The following STAG1 variants were observed in gnomAD, a reference collection of about 807,000 sequenced individuals.
STAG1 encodes STAG1 cohesin complex component, also known as cohesin subunit SA-1.
Under a neutral mutation model 170.9 loss-of-function variants are expected in STAG1, and 26 were observed. The observed-to-expected ratio is 0.15, with a 90% CI of 0.11 to 0.21. The LOEUF is 0.21. Among genes scored for constraint, STAG1 ranks in the 10% least tolerant of loss-of-function variants. The pLI is 1.00. For synonymous variants in STAG1, 514 were observed against 497.7 expected, an observed-to-expected ratio of 1.03 and a Z score of -0.44; for missense variants, 964 against 1,509.5, an observed-to-expected ratio of 0.64 and a Z score of 5.99.
At chr3:136,525,559 T>G (rs982669061) in intron 6 of STAG1, among the ~76,000 whole-genome samples, 1 of 152,202 alleles carries the variant, frequency 6.6e-6, no homozygotes, top group Non-Finnish European at 1.5e-5. Context: ...CCTAGATTCA[T>G]TAATTTTTTG....
chr3:136,606,972 G>A (rs1256891477), intron 3 of STAG1, among the ~76,000 whole-genome samples: 1 of 151,910 alleles, frequency 6.6e-6, no homozygotes, highest in Admixed American at 6.6e-5. Flanking sequence ...GGATGGTCTT[G>A]ATCTCCTGAC....
chr3:136,551,198 T>TGAGAGAGAGA (rs200132855), intron 5 of STAG1, among the ~76,000 whole-genome samples: 1 of 43,156 alleles, frequency 2.3e-5, no homozygotes, highest in African/African-American at 1.2e-4. Context: ...AGAGAGAGGT[T>TGAGAGAGAGA]GAGAGAGAGT....
At chr3:136,467,870 C>A (rs988760387) in intron 12 of STAG1, among the ~76,000 whole-genome samples, 1 of 152,182 alleles carries the variant, frequency 6.6e-6, no homozygotes, top group African/African-American at 2.4e-5. Flanking sequence ...CAAAACTGCT[C>A]AACTACACGG....
intron 10 of STAG1, among the ~76,000 whole-genome samples, chr3:136,476,085 T>G (rs1224756211): frequency 1.3e-5 from 2 of 152,222 alleles, no homozygotes; most frequent in East Asian, 1.9e-4. Flanking sequence ...TCCTCTGAAT[T>G]TGTAGGCCTG....
chr3:136,544,473 T>C (rs903905938), intron 5 of STAG1, among the ~76,000 whole-genome samples: 1 of 152,228 alleles, frequency 6.6e-6, no homozygotes, highest in Admixed American at 6.5e-5. Flanking sequence ...ATATTAATAA[T>C]AGCTTTTGGC....
rs541484433 is a variant in STAG1 at position 136,528,491 on chromosome 3, C to T, written c.472-7074G>A. On this transcript the variant is annotated intron_variant, in intron 6 of 33. Transcript: ENST00000383202. ...ATAATTCCCCAGCAACAGATGTCCCCGCACCCCCCCCCCCAAAAAATCACT... is the reference window on the plus strand; with the variant it reads ...ATAATTCCCCAGCAACAGATGTCCCTGCACCCCCCCCCCCAAAAAATCACT... 6.6e-4 allele frequency among the ~76,000 whole-genome samples: 19 copies of T among 28,986 alleles called. No homozygotes were observed. In the East Asian group the frequency reaches 0.011, roughly 17 times the overall value. 19.0% of individuals were successfully genotyped at this position (28,986 alleles called of 152,430 possible).
At chr3:136,657,626 A>C (rs1338101522) in intron 1 of STAG1, among the ~76,000 whole-genome samples, 1 of 152,208 alleles carries the variant, frequency 6.6e-6, no homozygotes, top group Admixed American at 6.5e-5. Context: ...GCTCGAGACC[A>C]GCCTGGGCAA....
chr3:136,469,505 A>G (rs1488094381), intron 12 of STAG1, among the ~76,000 whole-genome samples: 1 of 152,264 alleles, frequency 6.6e-6, no homozygotes, highest in Non-Finnish European at 1.5e-5. Flanking sequence ...AAATGGAAGA[A>G]CATTCCATGC....
chr3:136,708,677 C>T (rs925457295), intron 1 of STAG1, among the ~76,000 whole-genome samples: 2 of 152,090 alleles, frequency 1.3e-5, no homozygotes, highest in Non-Finnish European at 2.9e-5. Context: ...GTATCAAACA[C>T]TAATATGAAA....
intron 1 of STAG1, among the ~76,000 whole-genome samples, chr3:136,664,437 C>G (rs1941685026): frequency 6.6e-6 from 1 of 152,132 alleles, no homozygotes; most frequent in Admixed American, 6.5e-5. Flanking sequence ...CTAAAGCATT[C>G]CACTCCCAAA....
At chr3:136,512,110 A>AT (rs1016437044) in intron 7 of STAG1, among the ~76,000 whole-genome samples, 3 of 150,658 alleles carry the variant, frequency 2.0e-5, no homozygotes, top group African/African-American at 7.3e-5. Flanking sequence ...AAAAAAAAAA[A>AT]AAAAAAAAAA....
At chr3:136,644,457 C>T (rs1940922650) in intron 1 of STAG1, among the ~76,000 whole-genome samples, 2 of 152,160 alleles carry the variant, frequency 1.3e-5, no homozygotes, top group Admixed American at 6.5e-5. Context: ...GGTTTCTCCT[C>T]TTTATTTCTC....
chr3:136,523,776 G>A (rs927821497), intron 6 of STAG1, among the ~76,000 whole-genome samples: 1 of 152,162 alleles, frequency 6.6e-6, no homozygotes, highest in Non-Finnish European at 1.5e-5. Context: ...TTTGTATAAA[G>A]TATAAGGAAG....
At chr3:136,494,719 A>G (rs966835442) in intron 9 of STAG1, among the ~76,000 whole-genome samples, 1 of 152,318 alleles carries the variant, frequency 6.6e-6, no homozygotes, top group East Asian at 1.9e-4. Flanking sequence ...ATAAAGAAAT[A>G]CATCAATCCA....
chr3:136,655,990 A>G (rs1200447121), intron 1 of STAG1, among the ~76,000 whole-genome samples: 1 of 152,196 alleles, frequency 6.6e-6, no homozygotes, highest in Non-Finnish European at 1.5e-5. Context: ...TCATAGTAAC[A>G]TTATTCACAG....
chr3:136,430,660 G>C (rs2088271167), intron 16 of STAG1, among the ~76,000 whole-genome samples: 1 of 149,426 alleles, frequency 6.7e-6, no homozygotes, highest in African/African-American at 2.5e-5. Context: ...ATATCTCATA[G>C]TGTTTTAAGT....
At chr3:136,418,360 C>CAAAAAAAAAAAAAAAA (rs767401141) in intron 20 of STAG1, among the ~76,000 whole-genome samples, 5 of 49,762 alleles carry the variant, frequency 1.0e-4, no homozygotes, top group African/African-American at 4.3e-4. Flanking sequence ...ACTCTGTCTC[C>CAAAAAAAAAAAAAAAA]AAAAAAAAAA....
chr3:136,702,750 A>C (rs1026244608), intron 1 of STAG1, among the ~76,000 whole-genome samples: 1 of 152,124 alleles, frequency 6.6e-6, no homozygotes, highest in African/African-American at 2.4e-5. Flanking sequence ...TTAAGCTAGG[A>C]AACAGGAGAT....
At chr3:136,382,380 A>G (rs1938015710) in intron 22 of STAG1, among the ~76,000 whole-genome samples, 1 of 151,920 alleles carries the variant, frequency 6.6e-6, no homozygotes, top group African/African-American at 2.4e-5. Flanking sequence ...GACACTGGAA[A>G]TGTGAAACAA....
Sources: allele counts gnomAD v4.1 joint callset (sites outside exome capture counted in the v4.1 genomes callset), GRCh38; gene constraint gnomAD v4.1.1; transcripts MANE v1.5; gene names NCBI Gene and HGNC (gene_info 2026-07-23, HGNC 2026-07-21).